The following CTTNBP2 variants were observed in gnomAD, a reference collection of about 807,000 sequenced individuals.
CTTNBP2 encodes the protein cortactin-binding protein 2.
In CTTNBP2, 108 loss-of-function variants were observed where a neutral mutation model predicts 156.9. The ratio of observed to expected loss-of-function variants is 0.69; its 90% confidence interval spans 0.59 to 0.81. The LOEUF is 0.81. CTTNBP2 is among the 30% of genes least tolerant of loss of function. The probability of loss-of-function intolerance (pLI) is 0.00; values close to 1 mark genes in which losing one functional copy is unlikely to be tolerated. For synonymous variants in CTTNBP2, 767 were observed against 751.8 expected, an observed-to-expected ratio of 1.02 and a Z score of -0.33; for missense variants, 1,924 against 2,035.4, an observed-to-expected ratio of 0.95 and a Z score of 1.05.
At chr7:117,797,043 T>C (rs766304867) in intron 3 of CTTNBP2, among the ~76,000 whole-genome samples, 8 of 152,164 alleles carry the variant, frequency 5.3e-5, no homozygotes, top group Non-Finnish European at 1.2e-4. Context: ...TTGGATGAGA[T>C]TTGCCTTCAT....
chr7:117,738,190 C>T (rs1246045756), intron 14 of CTTNBP2, among the ~76,000 whole-genome samples: 1 of 152,036 alleles, frequency 6.6e-6, no homozygotes, highest in Non-Finnish European at 1.5e-5. Context: ...CTGTGCTGGG[C>T]CTGGGGCACT....
rs563877559 is a variant in CTTNBP2, at chr7:117,860,749, T to C, written c.189+460A>G. ...AACACTTTGAAGGTATGGATAAACA[T>C]TTACTTTTTAATGCATGAGTTTCTA... On this transcript the variant is annotated intron_variant, in intron 2 of 22. Coordinates refer to ENST00000160373, the MANE Select transcript of CTTNBP2 (RefSeq NM_033427.3). 2.0e-5 allele frequency among the ~76,000 whole-genome samples: 3 copies of C among 152,272 alleles called. No homozygotes were observed. In the East Asian group the frequency reaches 5.8e-4, roughly 29 times the overall value.
rs541944318 is a variant in CTTNBP2 at position 117,764,626 on chromosome 7, C to CT, written c.2896+2432dup. Among the ~76,000 whole-genome samples the CT allele has an allele frequency of 3.9e-5, 6 of 152,264 alleles. No individual in the cohort carries two copies. In the South Asian group the frequency reaches 1.0e-3, roughly 26 times the overall value. ...CTATAACTGACTTCTTCACTCAACA[C>CT]TTTTTTAATGTATTTCAGGTGATTT... On this transcript the variant is annotated intron_variant, in intron 9 of 22. Transcript: ENST00000160373.
chr7:117,780,518 G>T lies in CTTNBP2; in HGVS notation c.2446C>A (p.Leu816Met). ...TCTTTATTTCCATTTTTACAGGCCA[G>T]GTATAGAGGTGTCTGTCCTCCATCA... ...AADGGQTPLY[L>M]ACKNGNKECI... is the part of the protein sequence containing the mutation. Residue 816 changes from leucine (L) to methionine (M), a missense_variant, in exon 7 of 23, where the codon CTG becomes ATG. Leu to Met is a conservative substitution (Grantham distance 15). Coordinates refer to ENST00000160373, the MANE Select transcript of CTTNBP2 (RefSeq NM_033427.3). 1 of 1,597,984 alleles carries T rather than the reference G, an allele frequency of 6.3e-7. No individual in the cohort carries two copies. Among genetic ancestry groups the T allele is most frequent in the Non-Finnish European group, 8.5e-7 (1 of 1,170,820 alleles).
At position 117,711,701 on chromosome 7, in the gene CTTNBP2, T is replaced by A. The variant is rs542774129; in HGVS notation, c.4828A>T (p.Lys1610Ter). ...SKTELGVSRVKSFLPVPRSKV... is the reference protein window; with the variant it reads ...SKTELGVSRV Reference sequence around the variant, plus strand: ...CTTCTAGGAACAGGAAGAAAAGATTTAACTCTTGAAACACCCAACTCAGTC... The same window carrying A: ...CTTCTAGGAACAGGAAGAAAAGATTAAACTCTTGAAACACCCAACTCAGTC... The change falls in exon 23 of 23, where the codon AAA (lysine) becomes TAA (stop). Residue 1610 changes from lysine to a stop codon, truncating the protein, a stop_gained. Transcript: ENST00000160373. LOFTEE classifies it high-confidence loss of function. The A allele has an allele frequency of 4.3e-6, 7 of 1,614,084 alleles. No individual in the cohort carries two copies. In the South Asian group the frequency reaches 7.7e-5, roughly 18 times the overall value.
chr7:117,872,002 G>A (rs768016561), intron 1 of CTTNBP2: 3 of 980,556 alleles, frequency 3.1e-6, no homozygotes, highest in Non-Finnish European at 3.6e-6. Flanking sequence ...GAGGGGAGCT[G>A]ATTCACATAA....
chr7:117,814,551 C>T (rs953099433), intron 2 of CTTNBP2, among the ~76,000 whole-genome samples: 1 of 152,108 alleles, frequency 6.6e-6, no homozygotes, highest in African/African-American at 2.4e-5. Flanking sequence ...CCTCAGCTTC[C>T]CGAGTAGCTG....
intron 2 of CTTNBP2, among the ~76,000 whole-genome samples, chr7:117,848,916 C>T (rs35063691): frequency 7.9e-5 from 12 of 152,268 alleles, no homozygotes; most frequent in African/African-American, 2.9e-4. Flanking sequence ...AGCAATCAGT[C>T]GATTGCATAC....
Position 117,718,099 on chromosome 7 carries a change from A to G in CTTNBP2, c.4665T>C (p.Asp1555=). 6.2e-7 allele frequency: 1 copy of G among 1,611,932 alleles called. No individual in the cohort carries two copies. The highest frequency in any genetic ancestry group is 1.1e-5 in the South Asian group (1 of 90,890). Residue 1555 remains aspartate (D), a synonymous_variant, in exon 22 of 23, where the codon GAT becomes GAC. Coordinates refer to ENST00000160373, the MANE Select transcript of CTTNBP2 (RefSeq NM_033427.3). ...TTCCAGAACTATCAAACATCCTTAA[A>G]TCATCCCTGGAATCAGCAATCTAGA... ...DISKIADSRD[D]LRMFDSSGNN...
chr7:117,850,884 A>C (rs1802893163), intron 2 of CTTNBP2, among the ~76,000 whole-genome samples: 1 of 152,224 alleles, frequency 6.6e-6, no homozygotes, highest in South Asian at 2.1e-4. Context: ...CTCTCTTCCC[A>C]GTGCAACACC....
At chr7:117,807,000 G>A (rs530540599) in intron 3 of CTTNBP2, among the ~76,000 whole-genome samples, 37 of 151,826 alleles carry the variant, frequency 2.4e-4, no homozygotes, top group African/African-American at 7.7e-4. Flanking sequence ...CTTGTGATCC[G>A]CCCACCTGGA....
At chr7:117,830,922 A>AATC (rs1393490129) in intron 2 of CTTNBP2, among the ~76,000 whole-genome samples, 1 of 152,234 alleles carries the variant, frequency 6.6e-6, no homozygotes, top group African/African-American at 2.4e-5. Context: ...ATAGTCAAAG[A>AATC]ATCCTCTTGG....
intron 1 of CTTNBP2, among the ~76,000 whole-genome samples, chr7:117,871,079 G>A (rs1031633777): frequency 6.6e-6 from 1 of 152,046 alleles, no homozygotes; most frequent in Admixed American, 6.5e-5. Context: ...AAAAATGCAC[G>A]ATATGTAAAC....
chr7:117,871,696 G>T, intron 1 of CTTNBP2: 1 of 166,300 alleles, frequency 6.0e-6, no homozygotes. Flanking sequence ...TTGTGTTTGG[G>T]TTAATTGTCA....
At chr7:117,828,450 G>A (rs1207578142) in intron 2 of CTTNBP2, among the ~76,000 whole-genome samples, 1 of 152,202 alleles carries the variant, frequency 6.6e-6, no homozygotes, top group Admixed American at 6.5e-5. Context: ...AGCTGGTCTT[G>A]CTTAAAGGGT....
intron 2 of CTTNBP2, among the ~76,000 whole-genome samples, chr7:117,849,065 G>A (rs1462370587): frequency 1.3e-5 from 2 of 152,154 alleles, no homozygotes; most frequent in Admixed American, 1.3e-4. Flanking sequence ...TTTTGAAAAA[G>A]CTGTCCTGAG....
intron 16 of CTTNBP2, among the ~76,000 whole-genome samples, chr7:117,728,777 T>C (rs1437166948): frequency 2.6e-5 from 4 of 152,236 alleles, no homozygotes; most frequent in Admixed American, 2.6e-4. Context: ...ATACATTAAC[T>C]ACATAGGGCT....
In CTTNBP2 at chr7:117,724,973, A is replaced by C. The variant is rs541139226; in HGVS notation, c.4261+79T>G. ...TATATTTTTCTAATTACAAAGAAAG[A>C]AAGCTCTCTAAAAACAGCTTTTAAA... On this transcript the variant is annotated intron_variant, in intron 18 of 22. Coordinates refer to ENST00000160373, the MANE Select transcript of CTTNBP2 (RefSeq NM_033427.3). The C allele has an allele frequency of 1.3e-4, 177 of 1,341,778 alleles. 2 individuals are homozygous for C. In the South Asian group the frequency reaches 1.8e-3, roughly 13 times the overall value. The allele number at this position is 1,341,778 out of a possible 1,614,324, so 83.1% of individuals were successfully genotyped here.
chr7:117,828,008 C>T (rs1376530743), intron 2 of CTTNBP2, among the ~76,000 whole-genome samples: 5 of 152,182 alleles, frequency 3.3e-5, no homozygotes, highest in Non-Finnish European at 7.3e-5. Context: ...AACTCGCCAA[C>T]TGCATGAACC....
Sources: allele counts gnomAD v4.1 joint callset (sites outside exome capture counted in the v4.1 genomes callset), GRCh38; gene constraint gnomAD v4.1.1; transcripts MANE v1.5; gene names NCBI Gene and HGNC (gene_info 2026-07-23, HGNC 2026-07-21).